IRAK1BP1: variants seen among roughly 807,000 people sequenced by gnomAD.
IRAK1BP1 encodes the protein interleukin-1 receptor-associated kinase 1-binding protein 1.
Under a neutral mutation model 28.0 loss-of-function variants are expected in IRAK1BP1, and 24 were observed. The observed-to-expected ratio is 0.86, with a 90% confidence interval of 0.62 to 1.20. IRAK1BP1 has a LOEUF of 1.20. Among genes scored for constraint, IRAK1BP1 ranks in the 50% most tolerant of loss-of-function variants. The pLI is 0.00. For missense variants in IRAK1BP1, 336 were observed against 316.7 expected, an observed-to-expected ratio of 1.06 and a Z score of -0.46; for synonymous variants, 131 against 116.3, an observed-to-expected ratio of 1.13 and a Z score of -0.81.
At chr6:78,976,880 G>A in the IRAK1BP1 span, among the ~76,000 whole-genome samples, 1 of 85,800 alleles carries the variant, frequency 1.2e-5, no homozygotes, top group East Asian at 3.6e-4. Context: ...GAAACAACAG[G>A]TGCTGGAGAG....
At chr6:78,953,899 A>C in the IRAK1BP1 span, among the ~76,000 whole-genome samples, 1 of 151,952 alleles carries the variant, frequency 6.6e-6, no homozygotes, top group Non-Finnish European at 1.5e-5. Context: ...GAACTATATA[A>C]CATTTAATTA....
intron 1 of IRAK1BP1, among the ~76,000 whole-genome samples, chr6:78,870,984 G>A (rs1451570523): frequency 6.6e-6 from 1 of 152,052 alleles, no homozygotes; most frequent in Non-Finnish European, 1.5e-5. Context: ...GATTACAGGC[G>A]TGAGCCACTG....
downstream of IRAK1BP1, chr6:78,947,867 T>C (rs1338145664): frequency 1.2e-6 from 1 of 801,922 alleles, no homozygotes; most frequent in Non-Finnish European, 2.0e-6. Flanking sequence ...TTATGATGAC[T>C]GCAAGTCCTA....
intron 4 of IRAK1BP1, among the ~76,000 whole-genome samples, chr6:78,924,134 G>T (rs985937349): frequency 3.3e-5 from 5 of 152,098 alleles, no homozygotes; most frequent in African/African-American, 1.2e-4. Context: ...CCAGGAGTTG[G>T]TTTTTTGAAA....
intron 2 of IRAK1BP1, among the ~76,000 whole-genome samples, chr6:78,888,269 A>G (rs552360401): frequency 2.0e-5 from 3 of 152,318 alleles, no homozygotes; most frequent in South Asian, 4.1e-4. Flanking sequence ...GATATGGGCT[A>G]TACAGTGTAG....
chr6:78,916,659 G>A (rs1039752164), intron 4 of IRAK1BP1, among the ~76,000 whole-genome samples: 1 of 152,130 alleles, frequency 6.6e-6, no homozygotes, highest in African/African-American at 2.4e-5. Context: ...TTGAACATAC[G>A]TAGTTTGCCA....
At chr6:78,895,139 A>C (rs1771833771) in intron 2 of IRAK1BP1, among the ~76,000 whole-genome samples, 1 of 152,052 alleles carries the variant, frequency 6.6e-6, no homozygotes, top group South Asian at 2.1e-4. Context: ...TATTTGAATC[A>C]TACAAAGTTC....
rs1562088225 is a variant in IRAK1BP1 at position 78,897,875 on chromosome 6, A to G, written c.428A>G (p.Asn143Ser). 1.2e-6 allele frequency: 2 copies of G among 1,613,574 alleles called. No individual in the cohort carries two copies. The highest frequency in any genetic ancestry group is 2.2e-5 in the East Asian group (1 of 44,852). Residue 143 changes from asparagine to serine, a missense_variant, in exon 3 of 4, where the codon AAC (asparagine) becomes AGC (serine). Coordinates refer to ENST00000369940, the MANE Select transcript of IRAK1BP1 (RefSeq NM_001010844.4). ...TEFGKMQNICNFLVEKLDSSV... is the reference protein window; with the variant it reads ...TEFGKMQNICSFLVEKLDSSV... The stretch of plus-strand genomic sequence containing the variant: ...TTTGGAAAAATGCAAAATATTTGTA[A>G]CTTTCTTGTTGAAAAGCTAGATAGC...
chr6:78,931,934 C>T (rs552933245), intron 4 of IRAK1BP1, among the ~76,000 whole-genome samples: 7 of 152,282 alleles, frequency 4.6e-5, no homozygotes, highest in Admixed American at 1.3e-4. Context: ...GTAGAACTTT[C>T]GAAATTGGAG....
chr6:78,973,402 G>A, the IRAK1BP1 span, among the ~76,000 whole-genome samples: 5 of 149,462 alleles, frequency 3.3e-5, no homozygotes, highest in East Asian at 3.9e-4. Context: ...AGGAAAAACC[G>A]GTACCAGCCG....
the IRAK1BP1 span, among the ~76,000 whole-genome samples, chr6:78,977,368 G>T: frequency 6.6e-6 from 1 of 151,750 alleles, no homozygotes; most frequent in African/African-American, 2.4e-5. Context: ...ACACTCTGGG[G>T]ACTGTTGTGG....
intron 1 of IRAK1BP1, chr6:78,872,106 C>G: frequency 1.4e-6 from 1 of 701,386 alleles, no homozygotes; most frequent in East Asian, 2.7e-5. Flanking sequence ...ACCCCAGCAT[C>G]TTCACCCCTT....
At chr6:78,947,869 C>G (rs144013355), downstream of IRAK1BP1, 12 of 783,960 alleles carry the variant, frequency 1.5e-5, no homozygotes, top group Non-Finnish European at 2.1e-5. Flanking sequence ...ATGATGACTG[C>G]AAGTCCTAGA....
intron 2 of IRAK1BP1, among the ~76,000 whole-genome samples, 161 bp downstream of exon 2, chr6:78,885,604 A>T (rs1771400713): frequency 6.6e-6 from 1 of 152,158 alleles, no homozygotes; most frequent in African/African-American, 2.4e-5. Flanking sequence ...CGGCTTTTAA[A>T]TAAACTTGAG....
chr6:78,946,471 A>G (rs771343573), downstream of IRAK1BP1: 698 of 1,399,248 alleles, frequency 5.0e-4, no homozygotes, highest in Middle Eastern at 1.1e-3. Flanking sequence ...GGAAAGCATG[A>G]TGCCATCACT....
intron 2 of IRAK1BP1, among the ~76,000 whole-genome samples, chr6:78,887,945 A>G (rs969501851): frequency 2.0e-5 from 3 of 152,212 alleles, no homozygotes; most frequent in Non-Finnish European, 4.4e-5. Context: ...CAAGATATGG[A>G]AGCAACCCAA....
the IRAK1BP1 span, chr6:78,955,660 T>C: frequency 1.4e-4 from 150 of 1,086,824 alleles, no homozygotes; most frequent in Middle Eastern, 8.0e-4. Flanking sequence ...TAAAGTGGAA[T>C]TATGTTATAA....
At chr6:78,955,887 A>G in the IRAK1BP1 span, 8 of 306,974 alleles carry the variant, frequency 2.6e-5, no homozygotes, top group Non-Finnish European at 3.6e-5. Context: ...TGGCCTCACT[A>G]TATCATTACA....
At chr6:78,919,275 C>A (rs1772654654) in intron 4 of IRAK1BP1, among the ~76,000 whole-genome samples, 1 of 152,016 alleles carries the variant, frequency 6.6e-6, no homozygotes, top group African/African-American at 2.4e-5. Flanking sequence ...CTGACTCACA[C>A]CAAGAGGAAC....
Sources: allele counts gnomAD v4.1 joint callset (sites outside exome capture counted in the v4.1 genomes callset), GRCh38; gene constraint gnomAD v4.1.1; transcripts MANE v1.5; gene names NCBI Gene and HGNC (gene_info 2026-07-23, HGNC 2026-07-21).